PGLYRP4: variants seen among roughly 807,000 people sequenced by gnomAD.
PGLYRP4 encodes peptidoglycan recognition protein 4.
In PGLYRP4, 39 loss-of-function variants were observed where a neutral mutation model predicts 41.2. The ratio of observed to expected loss-of-function variants is 0.95; its 90% CI spans 0.73 to 1.24. The LOEUF (loss-of-function observed/expected upper bound fraction) is 1.24. PGLYRP4 is among the 50% of genes most tolerant of loss of function. The probability of loss-of-function intolerance (pLI) is 0.00; values close to 1 mark genes in which losing one functional copy is unlikely to be tolerated. For missense variants in PGLYRP4, 467 were observed against 460.7 expected, an observed-to-expected ratio of 1.01 and a Z score of -0.13; for synonymous variants, 202 against 186.8, an observed-to-expected ratio of 1.08 and a Z score of -0.66.
rs1252246970 is a variant in PGLYRP4 at position 153,340,446 on chromosome 1, G to A, written c.759C>T (p.Arg253=). The A allele has an allele frequency of 6.2e-7, 1 of 1,614,178 alleles. No homozygotes were observed. The highest frequency in any genetic ancestry group is 1.7e-5 in the Admixed American group (1 of 60,022). Reference sequence around the variant, plus strand: ...AAGACTGGATGTCCCGGACCAGCAGGCGGCACTCATCAGAAATGTTGCAGG... The same window carrying A: ...AAGACTGGATGTCCCGGACCAGCAGACGGCACTCATCAGAAATGTTGCAGG... ...GRTCNISDEC[R]LLVRDIQSFY... is the part of the protein sequence containing the mutation. The change falls in exon 7 of 9, where the codon CGC becomes CGT. Residue 253 remains arginine (R), a synonymous_variant. Transcript: ENST00000359650.
Position 153,345,323 on chromosome 1 carries a change from C to A in PGLYRP4, c.199G>T (p.Gly67Cys). 1 of 1,614,162 alleles carries A rather than the reference C, an allele frequency of 6.2e-7. No individual in the cohort carries two copies. The highest frequency in any genetic ancestry group is 8.5e-7 in the Non-Finnish European group (1 of 1,180,022). Reference protein sequence around the residue: ...SRKAWGAEAVGCSIQLTTPVN... With the variant: ...SRKAWGAEAVCCSIQLTTPVN... Reference sequence around the variant, plus strand: ...GGCGTGGTCAGCTGAATACTGCAGCCAACAGCTTCTGCCCCCCATGCCTTG... The same window carrying A: ...GGCGTGGTCAGCTGAATACTGCAGCAAACAGCTTCTGCCCCCCATGCCTTG... Residue 67 changes from glycine (G) to cysteine (C), a missense_variant, in exon 4 of 9, where the codon GGC becomes TGC. Physicochemically the swap from Gly to Cys is radical, Grantham distance 159. Transcript: ENST00000359650.
At position 153,340,581 on chromosome 1, in the gene PGLYRP4, T is replaced by C. The variant is rs1399242681; in HGVS notation, c.626-2A>G. ...ACCGTGGGACAACGCCGGGGCAAGC[T>C]GAGGTGGGGCGAGAAACCACAGAGG... On this transcript the variant is annotated splice_acceptor_variant, in intron 6 of 8. Coordinates refer to ENST00000359650, the MANE Select transcript of PGLYRP4 (RefSeq NM_020393.4). LOFTEE classifies it high-confidence loss of function. 6.2e-7 allele frequency: 1 copy of C among 1,613,320 alleles called. No homozygotes were observed. Among genetic ancestry groups the C allele is most frequent in the Non-Finnish European group, 8.5e-7 (1 of 1,179,894 alleles).
chr1:153,337,147 T>G, intron 8 of PGLYRP4, 34 bp downstream of exon 8: 1 of 1,372,622 alleles, frequency 7.3e-7, no homozygotes. Flanking sequence ...TCAAATACCA[T>G]GCAATGACCC....
At chr1:153,336,045 CG>C (rs1660544847) in intron 8 of PGLYRP4, among the ~76,000 whole-genome samples, 2 of 150,362 alleles carry the variant, frequency 1.3e-5, no homozygotes, top group Admixed American at 6.6e-5. Context: ...AGGGTGCGTG[CG>C]TGTGTGTGTG....
intron 8 of PGLYRP4, among the ~76,000 whole-genome samples, chr1:153,335,913 AAAAG>A (rs1239926533): frequency 6.6e-6 from 1 of 152,108 alleles, no homozygotes; most frequent in Non-Finnish European, 1.5e-5. Flanking sequence ...AACCCAAAGA[AAAAG>A]AAATCATTAT....
chr1:153,346,049 A>C, intron 3 of PGLYRP4, 53 bp downstream of exon 3: 2 of 1,335,010 alleles, frequency 1.5e-6, no homozygotes, highest in Non-Finnish European at 2.2e-6. Flanking sequence ...TTCCGATCAC[A>C]TGAAAAACCC....
intron 8 of PGLYRP4, among the ~76,000 whole-genome samples, chr1:153,335,420 G>A (rs1369381817): frequency 1.3e-5 from 2 of 152,144 alleles, no homozygotes; most frequent in Non-Finnish European, 2.9e-5. Context: ...CATGCTAGCA[G>A]CCAAAAACCA....
chr1:153,347,866 C>T lies in PGLYRP4; in HGVS notation c.49+18G>A. Reference sequence around the variant, plus strand: ...CACCCTTCTCGGTTGCTTTTTGGCCCAGGGAAAGAAAACTTACCCCAGGCC... The same window carrying T: ...CACCCTTCTCGGTTGCTTTTTGGCCTAGGGAAAGAAAACTTACCCCAGGCC... On this transcript the variant is annotated intron_variant, in intron 2 of 8. Transcript: ENST00000359650. The T allele has an allele frequency of 6.3e-7, 1 of 1,598,434 alleles. No homozygotes were observed. Among genetic ancestry groups the T allele is most frequent in the Non-Finnish European group, 8.6e-7 (1 of 1,166,276 alleles).
At chr1:153,340,259 T>A (rs752427653) in intron 7 of PGLYRP4, 122 bp downstream of exon 7, 34 of 827,800 alleles carry the variant, frequency 4.1e-5, no homozygotes, top group Non-Finnish European at 6.3e-5. Context: ...CATTTGGTTA[T>A]CCATACAGTG....
At chr1:153,331,339 C>A (rs112586061) in intron 8 of PGLYRP4, among the ~76,000 whole-genome samples, 1 of 152,148 alleles carries the variant, frequency 6.6e-6, no homozygotes, top group African/African-American at 2.4e-5. Context: ...CATCCTAGGA[C>A]GGGACAGCCT....
chr1:153,342,584 C>T (rs1334678457), intron 5 of PGLYRP4, among the ~76,000 whole-genome samples: 1 of 152,162 alleles, frequency 6.6e-6, no homozygotes, highest in African/African-American at 2.4e-5. Flanking sequence ...GGCAAGGGGC[C>T]TTGGAGCAAC....
At chr1:153,348,279 C>T (rs2916205) in intron 1 of PGLYRP4, among the ~76,000 whole-genome samples, 123,085 of 152,144 alleles carry the variant, frequency 0.81, 50,113 homozygotes, top group Middle Eastern at 0.87. Flanking sequence ...AGACTGTTAA[C>T]CCCCATTTTT....
chr1:153,344,418 T>G (rs1349391567), intron 4 of PGLYRP4, among the ~76,000 whole-genome samples: 2 of 152,160 alleles, frequency 1.3e-5, no homozygotes, highest in African/African-American at 4.8e-5. Flanking sequence ...GCTTTAGAAC[T>G]GCCTCTCATA....
chr1:153,343,791 T>C (rs1262103464), intron 4 of PGLYRP4, among the ~76,000 whole-genome samples: 1 of 151,974 alleles, frequency 6.6e-6, no homozygotes, highest in Non-Finnish European at 1.5e-5. Flanking sequence ...TTCAAGGAAA[T>C]CACTTCTCTT....
At chr1:153,337,140 A>G in intron 8 of PGLYRP4, 41 bp downstream of exon 8, 1 of 1,331,324 alleles carries the variant, frequency 7.5e-7, no homozygotes, top group Non-Finnish European at 1.1e-6. Context: ...CTCTCTTTCA[A>G]ATACCATGCA....
Position 153,339,847 on chromosome 1 carries a change from T to C in PGLYRP4, c.824+534A>G, listed in dbSNP as rs532900932. 5.3e-5 allele frequency among the ~76,000 whole-genome samples: 8 copies of C among 152,308 alleles called. No individual in the cohort carries two copies. The South Asian group carries it at 1.7e-3, about 32-fold the overall frequency. On this transcript the variant is annotated intron_variant, in intron 7 of 8. Coordinates refer to ENST00000359650, the MANE Select transcript of PGLYRP4 (RefSeq NM_020393.4). ...TATTAAAGAATCACAGACCTTAGCA[T>C]TAGAGAAATCAAAAGATAGTATTTG...
Position 153,330,937 on chromosome 1 carries a change from G to A in PGLYRP4, c.952C>T (p.Pro318Ser), listed in dbSNP as rs1333761290. The change falls in exon 9 of 9, where the codon CCC (proline) becomes TCC (serine). Residue 318 changes from proline to serine, a missense_variant. Transcript: ENST00000359650. Reference sequence around the variant, plus strand: ...GCTGCCTCTAGTGCTGCAGCATTGGGTGGTATACCTGCAAAACACAGCAGC... The same window carrying A: ...GCTGCCTCTAGTGCTGCAGCATTGGATGGTATACCTGCAAAACACAGCAGC... ...TFMGTFTGIP[P>S]NAAALEAAQD... The A allele has an allele frequency of 1.9e-6, 3 of 1,612,428 alleles. No homozygotes were observed. Among genetic ancestry groups the A allele is most frequent in the Admixed American group, 1.7e-5 (1 of 59,920 alleles).
In PGLYRP4 at chr1:153,346,204, A is replaced by G. The variant is rs755021488; in HGVS notation, c.50-13T>C. ...CAGGAGGAATCACCTGCAAAGGAATATCCCATTTTGCATCAGAGAGCACCA... is the reference window on the plus strand; with the variant it reads ...CAGGAGGAATCACCTGCAAAGGAATGTCCCATTTTGCATCAGAGAGCACCA... On this transcript the variant is annotated splice_polypyrimidine_tract_variant and intron_variant, in intron 2 of 8. Transcript: ENST00000359650. 6.3e-5 allele frequency: 101 copies of G among 1,606,474 alleles called. No individual in the cohort carries two copies. The highest frequency in any genetic ancestry group is 8.5e-5 in the Non-Finnish European group (100 of 1,173,150).
At chr1:153,338,365 C>T (rs3006446) in intron 7 of PGLYRP4, among the ~76,000 whole-genome samples, 62,429 of 152,062 alleles carry the variant, frequency 0.41, 13,357 homozygotes, top group Non-Finnish European at 0.47. Context: ...AGGGATGTCA[C>T]CACTCAGTCC....
Sources: gnomAD v4.1 joint callset for allele counts (sites outside exome capture counted in the v4.1 genomes callset) on GRCh38, gnomAD v4.1.1 for gene constraint, MANE v1.5 for transcripts, NCBI Gene and HGNC (gene_info 2026-07-23, HGNC 2026-07-21) for gene names.